Variants in SUPT3H observed in about 807,000 individuals in gnomAD.
The protein encoded by SUPT3H is SPT3 homolog, SAGA and STAGA complex component.
SUPT3H carries 44 observed loss-of-function variants against 44.3 expected under a neutral mutation model. The ratio of observed to expected loss-of-function variants is 0.99; its 90% confidence interval spans 0.78 to 1.28. The LOEUF (loss-of-function observed/expected upper bound fraction) is 1.28. Ranked by LOEUF, SUPT3H falls within the 50% of genes most tolerant of loss-of-function variation. SUPT3H has a pLI of 0.00. For missense variants in SUPT3H, 380 were observed against 387.1 expected (o/e 0.98, Z 0.15); for synonymous variants, 124 against 125.6 (o/e 0.99, Z 0.09).
At chr6:45,186,686 A>G (rs977827490) in intron 2 of SUPT3H, among the ~76,000 whole-genome samples, 3 of 152,200 alleles carry the variant, frequency 2.0e-5, no homozygotes, top group African/African-American at 7.2e-5. Context: ...TCTCAGAAGC[A>G]GGTACACCAC....
At chr6:45,006,766 C>T (rs1332809224) in intron 5 of SUPT3H, among the ~76,000 whole-genome samples, 3 of 152,068 alleles carry the variant, frequency 2.0e-5, no homozygotes, top group Non-Finnish European at 4.4e-5. Context: ...TTTTGGCTTT[C>T]CGATGAAAAG....
At chr6:45,128,673 T>C (rs1205336683) in intron 2 of SUPT3H, among the ~76,000 whole-genome samples, 1 of 132,282 alleles carries the variant, frequency 7.6e-6, no homozygotes, top group Non-Finnish European at 1.6e-5. Context: ...TGAAAAGTAT[T>C]TTTTTCTATT....
At chr6:44,893,862 T>C (rs1034284190) in intron 10 of SUPT3H, among the ~76,000 whole-genome samples, 2 of 141,066 alleles carry the variant, frequency 1.4e-5, no homozygotes, top group Non-Finnish European at 3.1e-5. Context: ...TTCCTATTTC[T>C]CCACATCCTC....
At chr6:45,027,774 T>A (rs1378984138) in intron 3 of SUPT3H, among the ~76,000 whole-genome samples, 1 of 152,224 alleles carries the variant, frequency 6.6e-6, no homozygotes, top group Non-Finnish European at 1.5e-5. Flanking sequence ...GTTTATGTCA[T>A]CCTTCTATTC....
At chr6:44,856,179 A>C (rs1773687902) in intron 10 of SUPT3H, among the ~76,000 whole-genome samples, 2 of 152,190 alleles carry the variant, frequency 1.3e-5, no homozygotes. Context: ...TTGCCAAAGA[A>C]GCAGGAAGGA....
chr6:45,038,674 A>T (rs1562316035), intron 3 of SUPT3H, among the ~76,000 whole-genome samples: 3 of 151,950 alleles, frequency 2.0e-5, no homozygotes, highest in South Asian at 2.1e-4. Flanking sequence ...TAATTCTGTA[A>T]TTTTTTTTAA....
chr6:45,024,787 T>C (rs1251610087), intron 3 of SUPT3H, among the ~76,000 whole-genome samples: 1 of 152,194 alleles, frequency 6.6e-6, no homozygotes, highest in Non-Finnish European at 1.5e-5. Context: ...TCCTCCTTAA[T>C]GTGGGTGGGC....
chr6:45,357,262 C>T (rs1373143551), intron 2 of SUPT3H, among the ~76,000 whole-genome samples: 1 of 152,156 alleles, frequency 6.6e-6, no homozygotes, highest in African/African-American at 2.4e-5. Flanking sequence ...CCACCTCGGC[C>T]TCCCAAAGTG....
In SUPT3H at chr6:45,349,656, GTTTCAC is replaced by G. The variant is rs1313406691; in HGVS notation, c.101+15539_101+15544del. Among the ~76,000 whole-genome samples the G allele has an allele frequency of 2.6e-5, 4 of 152,242 alleles. No individual in the cohort carries two copies. The East Asian group carries it at 7.7e-4, about 29-fold the overall frequency. On this transcript the variant is annotated intron_variant, in intron 2 of 10. Coordinates refer to ENST00000371459, the MANE Select transcript of SUPT3H (RefSeq NM_003599.4). ...GATTCATTTTTTTAAGTCATAGGTT[GTTTCAC>G]TGGTTTTCATCAATTTGCTGCTCTT... is the stretch of plus-strand genomic sequence containing the variant.
chr6:45,128,923 T>C (rs1382522950), intron 2 of SUPT3H, among the ~76,000 whole-genome samples: 1 of 152,122 alleles, frequency 6.6e-6, no homozygotes, highest in Non-Finnish European at 1.5e-5. Flanking sequence ...TGACCTCAAG[T>C]GATCCGCCTG....
chr6:45,097,803 C>T (rs1798003543), intron 3 of SUPT3H: 2 of 152,210 alleles, frequency 1.3e-5, no homozygotes, highest in Non-Finnish European at 2.9e-5. Flanking sequence ...GCCCTTGTAT[C>T]TTCTTCTCTC....
intron 3 of SUPT3H, among the ~76,000 whole-genome samples, chr6:45,064,371 A>G (rs1293611068): frequency 2.7e-5 from 4 of 146,286 alleles, no homozygotes; most frequent in Non-Finnish European, 4.5e-5. Context: ...AAATGTAAAG[A>G]CCATCGAGAC....
Position 45,020,686 on chromosome 6 carries a change from T to C in SUPT3H, c.187-54A>G, listed in dbSNP as rs959784540. 4 of 1,294,836 alleles carry C rather than the reference T, an allele frequency of 3.1e-6. No homozygotes were observed. The African/African-American group carries it at 4.4e-5, about 14-fold the overall frequency. The allele number at this position is 1,294,836 out of a possible 1,614,324, so 80.2% of individuals were successfully genotyped here. On this transcript the variant is annotated intron_variant, in intron 3 of 10. Transcript: ENST00000371459. ...TCTCAGTAACACAAATTATATATAG[T>C]ACAGTCATGATGTCTCTAAAGAGAT... is the stretch of plus-strand genomic sequence containing the variant.
chr6:45,200,372 G>A (rs1584218083), intron 2 of SUPT3H, among the ~76,000 whole-genome samples: 2 of 151,358 alleles, frequency 1.3e-5, no homozygotes, highest in Admixed American at 6.6e-5. Context: ...AATGTTGAAT[G>A]AAAGCAAGTA....
chr6:45,122,433 A>G (rs764180571), intron 2 of SUPT3H, among the ~76,000 whole-genome samples: 2 of 152,206 alleles, frequency 1.3e-5, no homozygotes, highest in African/African-American at 2.4e-5. Flanking sequence ...ACAGTACCTA[A>G]GGATTAAGAA....
intron 3 of SUPT3H, among the ~76,000 whole-genome samples, chr6:45,092,582 T>A (rs1797269998): frequency 6.6e-6 from 1 of 151,886 alleles, no homozygotes; most frequent in Admixed American, 6.6e-5. Context: ...AAACCCTGCC[T>A]CTACTAAAAA....
intron 3 of SUPT3H, among the ~76,000 whole-genome samples, chr6:45,081,051 ATACG>A (rs1795738101): frequency 6.6e-6 from 1 of 151,640 alleles, no homozygotes; most frequent in African/African-American, 2.4e-5. Context: ...ATGTACATAT[ATACG>A]TATATATGTA....
intron 3 of SUPT3H, among the ~76,000 whole-genome samples, chr6:45,099,850 T>C (rs1312789279): frequency 1.3e-5 from 2 of 152,096 alleles, no homozygotes; most frequent in African/African-American, 4.8e-5. Context: ...TCAGGATAAT[T>C]AAAAAAATTT....
chr6:45,233,463 T>C (rs912548), intron 2 of SUPT3H, among the ~76,000 whole-genome samples: 149,676 of 152,310 alleles, frequency 0.98, 73,611 homozygotes, highest in East Asian at 1. Context: ...AAATGGCTAC[T>C]CATGCTAGTG....
Sources: gnomAD v4.1 joint callset for allele counts (sites outside exome capture counted in the v4.1 genomes callset) on GRCh38, gnomAD v4.1.1 for gene constraint, MANE v1.5 for transcripts, NCBI Gene and HGNC (gene_info 2026-07-23, HGNC 2026-07-21) for gene names.